Variants in ITGA9 observed in about 807,000 individuals in gnomAD.
ITGA9 encodes the protein integrin alpha-9.
In ITGA9, 56 loss-of-function variants were observed where a neutral mutation model predicts 127.8. The observed-to-expected ratio is 0.44, with a 90% CI of 0.35 to 0.55. The LOEUF (loss-of-function observed/expected upper bound fraction) is 0.55, where lower values mean the gene tolerates loss of function less well. Ranked by LOEUF, ITGA9 falls within the 20% of genes least tolerant of loss-of-function variation. ITGA9 has a pLI of 0.00. For missense variants in ITGA9, 1,196 were observed against 1,347.1 expected (o/e 0.89, Z 1.76); for synonymous variants, 508 against 514.5 (o/e 0.99, Z 0.17).
At chr3:37,618,928 G>A (rs1442021279) in intron 15 of ITGA9, among the ~76,000 whole-genome samples, 2 of 152,082 alleles carry the variant, frequency 1.3e-5, no homozygotes, top group Non-Finnish European at 1.5e-5. Context: ...GTGATGCCTC[G>A]CCCTGCTTCG....
At chr3:37,809,654 G>A (rs1339212946) in intron 27 of ITGA9, among the ~76,000 whole-genome samples, 1 of 151,980 alleles carries the variant, frequency 6.6e-6, no homozygotes, top group Non-Finnish European at 1.5e-5. Flanking sequence ...GGCTAACTAT[G>A]ACTTTTGAGA....
chr3:37,452,684 T>C lies in ITGA9; in HGVS notation c.185+125T>C. The stretch of plus-strand genomic sequence containing the variant: ...GTCCCGAGGGGGCGATTTAAATGTC[T>C]CCGTTGCGCGCGGCTCGGCCGCCGG... On this transcript the variant is annotated intron_variant, in intron 1 of 27. Coordinates refer to ENST00000264741, the MANE Select transcript of ITGA9 (RefSeq NM_002207.3). The surrounding 1 kb of genome is among the most constrained non-coding windows in gnomAD (Gnocchi z 7.3). 1.2e-6 allele frequency: 1 copy of C among 821,686 alleles called. No individual in the cohort carries two copies. Among genetic ancestry groups the C allele is most frequent in the Non-Finnish European group, 1.7e-6 (1 of 589,540 alleles). The allele number at this position is 821,686 out of a possible 1,614,324, so 50.9% of individuals were successfully genotyped here.
chr3:37,740,471 T>G (rs115618376), intron 20 of ITGA9, among the ~76,000 whole-genome samples: 8 of 152,282 alleles, frequency 5.3e-5, no homozygotes, highest in African/African-American at 1.7e-4. Flanking sequence ...TCCTGTTCCT[T>G]CTCCTCCCTT....
At chr3:37,798,017 G>T (rs1368755801) in intron 26 of ITGA9, among the ~76,000 whole-genome samples, 7 of 152,194 alleles carry the variant, frequency 4.6e-5, no homozygotes, top group Middle Eastern at 3.4e-3. Context: ...TTTGGACGGG[G>T]TCTTGCTCTG....
chr3:37,683,200 G>A (rs1700749760), intron 17 of ITGA9, among the ~76,000 whole-genome samples: 1 of 152,106 alleles, frequency 6.6e-6, no homozygotes, highest in Non-Finnish European at 1.5e-5. Context: ...ACCTGCACAT[G>A]CCAGGCACAC....
rs546470694 is a variant in ITGA9, at chr3:37,532,623, G to A, written c.1374-691G>A. On this transcript the variant is annotated intron_variant, in intron 13 of 27. Transcript: ENST00000264741. ...TTTGTTTTTGTGGGATGTCCTTGGG[G>A]AGCCCACAGGTGCTGTCCATTCATC... 3.9e-5 allele frequency among the ~76,000 whole-genome samples: 4 copies of A among 103,488 alleles called. No individual in the cohort carries two copies. In the South Asian group the frequency reaches 7.7e-4, roughly 20 times the overall value. 67.9% of individuals were successfully genotyped at this position (103,488 alleles called of 152,430 possible).
chr3:37,737,489 G>A (rs955653633), intron 20 of ITGA9, among the ~76,000 whole-genome samples: 4 of 152,214 alleles, frequency 2.6e-5, no homozygotes, highest in African/African-American at 9.6e-5. Flanking sequence ...GAAGCCAAGT[G>A]GATGGATAGG....
At chr3:37,652,984 T>TAGGCCC (rs996332365) in intron 16 of ITGA9, among the ~76,000 whole-genome samples, 5 of 152,336 alleles carry the variant, frequency 3.3e-5, no homozygotes, top group Middle Eastern at 3.4e-3. Flanking sequence ...CCTCCACAGA[T>TAGGCCC]AGGCCCAGGC....
intron 5 of ITGA9, among the ~76,000 whole-genome samples, chr3:37,499,322 C>T (rs1397352191): frequency 6.6e-6 from 1 of 152,184 alleles, no homozygotes; most frequent in Non-Finnish European, 1.5e-5. Context: ...GGCACTCCTG[C>T]CCAGCTGCTC....
intron 16 of ITGA9, among the ~76,000 whole-genome samples, chr3:37,631,674 C>T (rs1455842894): frequency 1.3e-5 from 2 of 152,138 alleles, no homozygotes; most frequent in Non-Finnish European, 2.9e-5. Context: ...TTCCTGCCTA[C>T]CCAGGGAACA....
At chr3:37,522,665 G>A (rs377491798) in intron 11 of ITGA9, among the ~76,000 whole-genome samples, 6 of 151,626 alleles carry the variant, frequency 4.0e-5, no homozygotes, top group East Asian at 3.9e-4. Flanking sequence ...TGAGGCTGCA[G>A]TGTGCTATGA....
chr3:37,518,231 G>A (rs981590071), intron 10 of ITGA9, among the ~76,000 whole-genome samples: 24 of 151,942 alleles, frequency 1.6e-4, no homozygotes, highest in African/African-American at 5.8e-4. Context: ...TCTTCACCTC[G>A]CTGCATACAC....
chr3:37,533,548 G>A (rs267560), intron 14 of ITGA9, 80 bp downstream of exon 14: 833,249 of 1,451,630 alleles, frequency 0.57, 243,504 homozygotes, highest in East Asian at 0.79. Context: ...GTTCCCTGTC[G>A]CTGTTCCTCC....
chr3:37,647,865 G>A (rs1022543908), intron 16 of ITGA9, among the ~76,000 whole-genome samples: 3 of 126,770 alleles, frequency 2.4e-5, no homozygotes, highest in Non-Finnish European at 3.4e-5. Context: ...ATATATATAT[G>A]TGTGTGTGTG....
chr3:37,545,823 C>A (rs1699320895), intron 15 of ITGA9, among the ~76,000 whole-genome samples: 1 of 152,212 alleles, frequency 6.6e-6, no homozygotes, highest in South Asian at 2.1e-4. Flanking sequence ...CTGACCTTAC[C>A]TTTCTAGACC....
chr3:37,771,780 T>G (rs1696846718), intron 23 of ITGA9, among the ~76,000 whole-genome samples: 1 of 152,152 alleles, frequency 6.6e-6, no homozygotes, highest in South Asian at 2.1e-4. Context: ...CAGGCACTTT[T>G]GTCTCCCATG....
intron 17 of ITGA9, among the ~76,000 whole-genome samples, chr3:37,677,659 T>C (rs905604953): frequency 3.9e-5 from 6 of 152,250 alleles, no homozygotes; most frequent in Non-Finnish European, 8.8e-5. Context: ...GAGCACTGAC[T>C]GGACCAGGGG....
At chr3:37,494,407 G>T (rs1212586451) in intron 4 of ITGA9, 94 bp from the exon 5 acceptor site, 17 of 883,508 alleles carry the variant, frequency 1.9e-5, no homozygotes, top group Non-Finnish European at 2.8e-5. Flanking sequence ...CGCGGCACTC[G>T]TGGGAAGTGG....
chr3:37,473,819 A>G (rs936384780), intron 3 of ITGA9, among the ~76,000 whole-genome samples: 4 of 152,294 alleles, frequency 2.6e-5, no homozygotes, highest in East Asian at 1.9e-4. Context: ...CTGTGTAACC[A>G]TATGCCCACT....
Sources: allele counts gnomAD v4.1 joint callset (sites outside exome capture counted in the v4.1 genomes callset), GRCh38; gene constraint gnomAD v4.1.1; non-coding constraint Gnocchi (gnomAD v3.1); transcripts MANE v1.5; gene names NCBI Gene and HGNC (gene_info 2026-07-23, HGNC 2026-07-21).